CLIC5: variants seen among roughly 807,000 people sequenced by gnomAD.
CLIC5 encodes the protein chloride intracellular channel protein 5.
A neutral mutation model predicts 24.7 loss-of-function variants in CLIC5; 20 were observed. That is an observed-to-expected ratio of 0.81 (90% CI 0.57 to 1.18). The LOEUF is 1.18. CLIC5 is among the 50% of genes most tolerant of loss of function. The pLI is 0.00. For synonymous variants in CLIC5, 159 were observed against 135.6 expected, an observed-to-expected ratio of 1.17 and a Z score of -1.20; for missense variants, 341 against 326.1, an observed-to-expected ratio of 1.05 and a Z score of -0.35.
chr6:46,119,760 T>C, the CLIC5 span, among the ~76,000 whole-genome samples: 2 of 152,216 alleles, frequency 1.3e-5, no homozygotes, highest in Admixed American at 6.5e-5. Context: ...CTAATGGTCT[T>C]AGCAAACGGC....
intron 1 of CLIC5, among the ~76,000 whole-genome samples, chr6:46,000,805 C>T (rs190462383): frequency 6.6e-6 from 1 of 152,280 alleles, no homozygotes; most frequent in African/African-American, 2.4e-5. Flanking sequence ...CATCGGGTCT[C>T]TCCCTTGACA....
At chr6:46,081,991 A>C (rs1037099823), upstream of CLIC5, among the ~76,000 whole-genome samples, 2 of 152,228 alleles carry the variant, frequency 1.3e-5, no homozygotes, top group African/African-American at 4.8e-5. Context: ...ATCTGTTTGC[A>C]TATTGTATAT....
chr6:46,084,685 T>C (rs980410931), upstream of CLIC5, among the ~76,000 whole-genome samples: 1 of 152,194 alleles, frequency 6.6e-6, no homozygotes, highest in Non-Finnish European at 1.5e-5. Flanking sequence ...AACCCGACCT[T>C]TCTCTCTAGC....
intron 1 of CLIC5, among the ~76,000 whole-genome samples, chr6:45,973,360 C>G (rs147923110): frequency 7.4e-4 from 113 of 152,340 alleles, no homozygotes; most frequent in African/African-American, 2.6e-3. Context: ...TGTGCAACCT[C>G]TAGTTCATAG....
intron 1 of CLIC5, among the ~76,000 whole-genome samples, chr6:45,962,363 C>T (rs779591124): frequency 1.3e-4 from 20 of 151,392 alleles, no homozygotes; most frequent in Non-Finnish European, 2.1e-4. Context: ...AGGCAGCCTG[C>T]TGGCAGAATT....
At chr6:45,926,917 T>G (rs1437625541) in intron 4 of CLIC5, among the ~76,000 whole-genome samples, 6 of 152,218 alleles carry the variant, frequency 3.9e-5, no homozygotes, top group African/African-American at 1.2e-4. Flanking sequence ...AAGCATTGTA[T>G]GTTCTCACGT....
chr6:46,099,548 A>T, the CLIC5 span, among the ~76,000 whole-genome samples: 7 of 152,216 alleles, frequency 4.6e-5, no homozygotes, highest in Non-Finnish European at 8.8e-5. Context: ...TGTCATTTGC[A>T]GTATCTCCTG....
chr6:45,986,597 T>G (rs544776294), intron 1 of CLIC5, among the ~76,000 whole-genome samples: 35 of 152,228 alleles, frequency 2.3e-4, no homozygotes, highest in African/African-American at 7.2e-4. Flanking sequence ...TTCTTTAAAC[T>G]TTTTTTTCTA....
At position 46,015,839 on chromosome 6, in the gene CLIC5, C is replaced by G. The variant is rs1002256675; in HGVS notation, c.-297G>C. Reference sequence around the variant, plus strand: ...CAAGTGCCGGGCTGCCCGGAGGTGTCACAGGATCCGCGACTGTCAGCGATC... The same window carrying G: ...CAAGTGCCGGGCTGCCCGGAGGTGTGACAGGATCCGCGACTGTCAGCGATC... On this transcript the variant is annotated 5_prime_UTR_variant, in exon 1 of 6. Transcript: ENST00000339561. 1.3e-5 allele frequency: 15 copies of G among 1,134,928 alleles called. No homozygotes were observed. The highest frequency in any genetic ancestry group is 1.6e-5 in the Non-Finnish European group (15 of 925,756). The allele number at this position is 1,134,928 out of a possible 1,614,324, so 70.3% of individuals were successfully genotyped here.
chr6:46,103,347 C>G, the CLIC5 span, among the ~76,000 whole-genome samples: 2 of 152,148 alleles, frequency 1.3e-5, no homozygotes, highest in Admixed American at 1.3e-4. Flanking sequence ...AGAGACCCTG[C>G]AAACAGAAGT....
At chr6:46,066,080 A>G (rs896886847) in intron 1 of CLIC5, among the ~76,000 whole-genome samples, 6 of 152,208 alleles carry the variant, frequency 3.9e-5, no homozygotes, top group African/African-American at 1.4e-4. Flanking sequence ...TATTAATGAA[A>G]TGTGTAGAAG....
chr6:46,070,546 T>G (rs1173418775), intron 1 of CLIC5, among the ~76,000 whole-genome samples: 2 of 151,936 alleles, frequency 1.3e-5, no homozygotes, highest in African/African-American at 2.4e-5. Flanking sequence ...ATGAGAATTA[T>G]AAAACACTAC....
At chr6:45,962,170 TTA>T (rs980244118) in intron 1 of CLIC5, among the ~76,000 whole-genome samples, 3 of 149,702 alleles carry the variant, frequency 2.0e-5, no homozygotes, top group Non-Finnish European at 3.0e-5. Flanking sequence ...TAACATAATA[TTA>T]TATATATGTG....
the CLIC5 span, among the ~76,000 whole-genome samples, chr6:46,101,502 G>A: frequency 6.6e-6 from 1 of 152,300 alleles, no homozygotes; most frequent in South Asian, 2.1e-4. Flanking sequence ...GACAGAAAAG[G>A]GCTGAGAAAA....
intron 2 of CLIC5, among the ~76,000 whole-genome samples, chr6:45,949,967 T>C (rs952304690): frequency 2.6e-5 from 4 of 152,242 alleles, no homozygotes; most frequent in Non-Finnish European, 5.9e-5. Context: ...TTTTGAGTTA[T>C]AAACAGCCCC....
At chr6:46,052,202 G>A in intron 1 of CLIC5, among the ~76,000 whole-genome samples, 1 of 151,870 alleles carries the variant, frequency 6.6e-6, no homozygotes, top group South Asian at 2.1e-4. Flanking sequence ...TTTGAGATTT[G>A]CAGGACCTAT....
At chr6:45,941,317 A>G (rs550909038) in intron 4 of CLIC5, among the ~76,000 whole-genome samples, 4 of 152,180 alleles carry the variant, frequency 2.6e-5, no homozygotes, top group African/African-American at 9.6e-5. Flanking sequence ...TTGGCAGTAA[A>G]GCCCCAAGCC....
intron 4 of CLIC5, among the ~76,000 whole-genome samples, chr6:45,917,386 G>A (rs1176647009): frequency 6.6e-6 from 1 of 152,192 alleles, no homozygotes; most frequent in African/African-American, 2.4e-5. Context: ...CCTGTTCTCT[G>A]TTCCTTGCCC....
chr6:46,003,176 T>G (rs1445796000), intron 1 of CLIC5, among the ~76,000 whole-genome samples: 3 of 152,242 alleles, frequency 2.0e-5, no homozygotes, highest in African/African-American at 7.2e-5. Flanking sequence ...GTGTTCAGAA[T>G]AGCAGTTAGC....
Sources: gnomAD v4.1 joint callset for allele counts (sites outside exome capture counted in the v4.1 genomes callset) on GRCh38, gnomAD v4.1.1 for gene constraint, MANE v1.5 for transcripts, NCBI Gene and HGNC (gene_info 2026-07-23, HGNC 2026-07-21) for gene names.